The following SCHIP1 variants were observed in gnomAD, a reference collection of about 807,000 sequenced individuals.
SCHIP1 encodes the protein schwannomin interacting protein 1, also known as schwannomin-interacting protein 1.
Under a neutral mutation model 29.7 loss-of-function variants are expected in SCHIP1, and 8 were observed. The ratio of observed to expected loss-of-function variants is 0.27; its 90% confidence interval spans 0.16 to 0.49. The LOEUF is 0.49. SCHIP1 is among the 20% of genes least tolerant of loss of function. SCHIP1 has a pLI of 0.99. For missense variants in SCHIP1, 193 were observed against 294.6 expected (o/e 0.66, Z 2.52); for synonymous variants, 76 against 94.9 (o/e 0.80, Z 1.16).
At chr3:159,391,680 A>G in the SCHIP1 span, among the ~76,000 whole-genome samples, 1 of 152,210 alleles carries the variant, frequency 6.6e-6, no homozygotes, top group Non-Finnish European at 1.5e-5. Context: ...ATTCTGTTCC[A>G]TCAGTGGGAG....
the SCHIP1 span, among the ~76,000 whole-genome samples, chr3:159,650,284 C>G: frequency 6.6e-6 from 1 of 152,172 alleles, no homozygotes; most frequent in Non-Finnish European, 1.5e-5. Context: ...AAATTCCAAA[C>G]TGCTATTTAT....
chr3:159,681,658 T>C, the SCHIP1 span, among the ~76,000 whole-genome samples: 1 of 152,212 alleles, frequency 6.6e-6, no homozygotes, highest in Non-Finnish European at 1.5e-5. Context: ...ACCACAGAGT[T>C]TACATGTTCA....
the SCHIP1 span, among the ~76,000 whole-genome samples, chr3:159,727,272 G>A: frequency 6.6e-6 from 1 of 152,126 alleles, no homozygotes; most frequent in Non-Finnish European, 1.5e-5. Context: ...CCTCTTTCAT[G>A]TATCCTATTT....
the SCHIP1 span, among the ~76,000 whole-genome samples, chr3:159,393,053 C>A: frequency 3.0e-4 from 46 of 152,330 alleles, 1 homozygote; most frequent in Admixed American, 7.2e-4. Flanking sequence ...TTGCATTTCT[C>A]TGATGGCCAG....
the SCHIP1 span, among the ~76,000 whole-genome samples, chr3:159,425,250 T>C: frequency 1.3e-5 from 2 of 152,050 alleles, no homozygotes; most frequent in African/African-American, 4.8e-5. Context: ...GACTGGCAAA[T>C]TGGATAAAGA....
chr3:159,463,816 A>G, the SCHIP1 span, among the ~76,000 whole-genome samples: 2 of 152,100 alleles, frequency 1.3e-5, no homozygotes, highest in African/African-American at 4.8e-5. Context: ...ATTATTTTAC[A>G]TATTACATTA....
At chr3:159,765,232 G>C in the SCHIP1 span, 1 of 1,375,398 alleles carries the variant, frequency 7.3e-7, no homozygotes, top group Non-Finnish European at 9.6e-7. Flanking sequence ...CCGCCCGCCC[G>C]CGGCCCCATT....
the SCHIP1 span, among the ~76,000 whole-genome samples, chr3:159,522,655 G>T: frequency 2.6e-5 from 4 of 152,174 alleles, no homozygotes; most frequent in Non-Finnish European, 4.4e-5. Flanking sequence ...CAGATCACAT[G>T]GTCAAGAGAT....
the SCHIP1 span, among the ~76,000 whole-genome samples, chr3:159,762,912 T>C: frequency 1.3e-5 from 2 of 152,146 alleles, no homozygotes; most frequent in African/African-American, 4.8e-5. Context: ...CCTCTTCCCC[T>C]CCTTTAAGGT....
chr3:159,333,602 C>T, the SCHIP1 span, among the ~76,000 whole-genome samples: 2 of 152,122 alleles, frequency 1.3e-5, no homozygotes, highest in African/African-American at 4.8e-5. Flanking sequence ...CCTCAACGAA[C>T]ACAGCAGATA....
chr3:159,884,349 C>CTGTGTGTGTGTGTG (rs10661642), intron 2 of SCHIP1, among the ~76,000 whole-genome samples: 10 of 140,650 alleles, frequency 7.1e-5, no homozygotes, highest in South Asian at 2.3e-4. Flanking sequence ...GTGTCTGTGT[C>CTGTGTGTGTGTGTG]TGTGTGTGTG....
At chr3:159,420,353 T>TG in the SCHIP1 span, among the ~76,000 whole-genome samples, 1 of 152,090 alleles carries the variant, frequency 6.6e-6, no homozygotes, top group African/African-American at 2.4e-5. Flanking sequence ...GTTGGAACAA[T>TG]GGAGCAGTGG....
the SCHIP1 span, among the ~76,000 whole-genome samples, chr3:159,700,601 C>T: frequency 6.6e-6 from 1 of 152,140 alleles, no homozygotes; most frequent in Admixed American, 6.5e-5. Context: ...TGGTGGGTCA[C>T]CTAAGGTCAG....
At chr3:159,554,814 C>T in the SCHIP1 span, among the ~76,000 whole-genome samples, 1 of 151,894 alleles carries the variant, frequency 6.6e-6, no homozygotes, top group African/African-American at 2.4e-5. Flanking sequence ...CCTCTAACAC[C>T]TTTGTAGCTA....
At chr3:159,733,284 CT>C in the SCHIP1 span, among the ~76,000 whole-genome samples, 1 of 152,082 alleles carries the variant, frequency 6.6e-6, no homozygotes, top group African/African-American at 2.4e-5. Context: ...ACTAATAAAA[CT>C]TTTTAATAGC....
At chr3:159,427,266 C>A in the SCHIP1 span, among the ~76,000 whole-genome samples, 1 of 150,172 alleles carries the variant, frequency 6.7e-6, no homozygotes, top group East Asian at 2.0e-4. Flanking sequence ...AATTGTCCCT[C>A]TTTGCAGACG....
chr3:159,468,346 G>C, the SCHIP1 span, among the ~76,000 whole-genome samples: 2 of 152,050 alleles, frequency 1.3e-5, no homozygotes, highest in African/African-American at 4.8e-5. Flanking sequence ...TAAGTGAGCA[G>C]ACATAAGTAA....
the SCHIP1 span, among the ~76,000 whole-genome samples, chr3:159,753,533 TA>T: frequency 6.6e-6 from 1 of 152,216 alleles, no homozygotes; most frequent in Non-Finnish European, 1.5e-5. Flanking sequence ...TTTGACTTCC[TA>T]AATATCTTTA....
the SCHIP1 span, among the ~76,000 whole-genome samples, chr3:159,519,899 G>C: frequency 2.6e-5 from 4 of 151,198 alleles, no homozygotes; most frequent in African/African-American, 7.3e-5. Context: ...ATGTATGCAT[G>C]TACGTGGAAC....
Sources: gnomAD v4.1 joint callset for allele counts (sites outside exome capture counted in the v4.1 genomes callset) on GRCh38, gnomAD v4.1.1 for gene constraint, MANE v1.5 for transcripts, NCBI Gene and HGNC (gene_info 2026-07-23, HGNC 2026-07-21) for gene names.